The following PLCZ1 variants were observed in gnomAD, a reference collection of about 807,000 sequenced individuals.
The protein encoded by PLCZ1 is 1-phosphatidylinositol 4,5-bisphosphate phosphodiesterase zeta-1.
Under a neutral mutation model 76.8 loss-of-function variants are expected in PLCZ1, and 64 were observed. The observed-to-expected ratio is 0.83, with a 90% CI of 0.68 to 1.03. The LOEUF is 1.03. Ranked by LOEUF, PLCZ1 falls within the 50% of genes least tolerant of loss-of-function variation. PLCZ1 has a pLI of 0.00. For missense variants in PLCZ1, 751 were observed against 713.7 expected, an observed-to-expected ratio of 1.05 and a Z score of -0.60; for synonymous variants, 248 against 230.8, an observed-to-expected ratio of 1.07 and a Z score of -0.68.
intron 10 of PLCZ1, among the ~76,000 whole-genome samples, chr12:18,697,406 C>A (rs956771256): frequency 6.6e-6 from 1 of 152,046 alleles, no homozygotes; most frequent in Admixed American, 6.6e-5. Context: ...CTTATCTAGT[C>A]CTAACAGATG....
In PLCZ1 at chr12:18,723,380, G is replaced by A; in HGVS notation, c.298C>T (p.Gln100Ter). The A allele has an allele frequency of 6.2e-7, 1 of 1,612,910 alleles. No homozygotes were observed. The highest frequency in any genetic ancestry group is 8.5e-7 in the Non-Finnish European group (1 of 1,179,438). ...SNLAQFLTQE[Q>*]YAAEMSKAIA... The stretch of plus-strand genomic sequence containing the variant: ...GCTTTACTCATCTCAGCTGCATATT[G>A]TTCTTGTGTCAGAAATTGAGCCAGA... The change falls in exon 4 of 15, where the codon CAA becomes TAA. Residue 100 changes from glutamine to a stop codon, truncating the protein, a stop_gained. Transcript: ENST00000266505. LOFTEE classifies it high-confidence loss of function.
chr12:18,666,792 T>C, the PLCZ1 span, among the ~76,000 whole-genome samples: 60,170 of 152,134 alleles, frequency 0.4, 14,322 homozygotes, highest in South Asian at 0.6. Flanking sequence ...TTCTCCAGGA[T>C]AGACCACATA....
chr12:18,737,374 T>A lies in PLCZ1; in HGVS notation c.-3A>T. 1 of 1,613,814 alleles carries A rather than the reference T, an allele frequency of 6.2e-7. No homozygotes were observed. Among genetic ancestry groups the A allele is most frequent in the Non-Finnish European group, 8.5e-7 (1 of 1,179,744 alleles). ...CTCAATGGATATCTCATTTCCATAGTTTCATGACCTGTAGAGCCGTTTCTC... is the reference window on the plus strand; with the variant it reads ...CTCAATGGATATCTCATTTCCATAGATTCATGACCTGTAGAGCCGTTTCTC... On this transcript the variant is annotated 5_prime_UTR_variant, in exon 2 of 15. Transcript: ENST00000266505.
intron 12 of PLCZ1, among the ~76,000 whole-genome samples, chr12:18,691,771 G>C (rs1036970648): frequency 6.6e-6 from 1 of 152,268 alleles, no homozygotes; most frequent in Admixed American, 6.5e-5. Context: ...ATCCAGTGTT[G>C]TAGGCAATTG....
At chr12:18,684,016 T>C in intron 14 of PLCZ1, 114 bp downstream of exon 14, 2 of 1,255,858 alleles carry the variant, frequency 1.6e-6, no homozygotes, top group Non-Finnish European at 2.2e-6. Flanking sequence ...ATACATAAAA[T>C]TTCCTTTACA....
At chr12:18,670,296 A>G in the PLCZ1 span, among the ~76,000 whole-genome samples, 21 of 149,252 alleles carry the variant, frequency 1.4e-4, no homozygotes, top group African/African-American at 3.3e-4. Context: ...ACATATGCGC[A>G]CACACACACA....
chr12:18,730,896 G>T (rs1186105319), intron 3 of PLCZ1: 2 of 152,222 alleles, frequency 1.3e-5, no homozygotes, highest in East Asian at 3.9e-4. Context: ...CCCTTTGGAA[G>T]ATACTACCGG....
At chr12:18,692,392 T>C (rs927095834) in intron 12 of PLCZ1, among the ~76,000 whole-genome samples, 2 of 152,178 alleles carry the variant, frequency 1.3e-5, no homozygotes, top group Non-Finnish European at 2.9e-5. Context: ...TCAAAAGATT[T>C]AATGACATTT....
At chr12:18,678,210 A>G (rs1007667853), downstream of PLCZ1, among the ~76,000 whole-genome samples, 3 of 152,086 alleles carry the variant, frequency 2.0e-5, no homozygotes, top group African/African-American at 7.2e-5. Context: ...GGTCTGGCTA[A>G]TACTGCTGTT....
chr12:18,718,623 C>T (rs939894065), intron 5 of PLCZ1, among the ~76,000 whole-genome samples: 3 of 152,124 alleles, frequency 2.0e-5, no homozygotes, highest in African/African-American at 4.8e-5. Flanking sequence ...TATCATCACT[C>T]ATGCCACAAC....
chr12:18,696,330 A>C (rs1592072723), intron 10 of PLCZ1, 64 bp from the exon 11 acceptor site: 1 of 54,096 alleles, frequency 1.8e-5, no homozygotes, highest in South Asian at 1.0e-3. Flanking sequence ...CACTATATAT[A>C]TATATATATA....
chr12:18,662,043 G>A, the PLCZ1 span, among the ~76,000 whole-genome samples: 16,189 of 152,046 alleles, frequency 0.11, 1,110 homozygotes, highest in African/African-American at 0.19. Context: ...CCAATACTGC[G>A]TGTTCTCCCG....
Position 18,733,623 on chromosome 12 carries a change from A to G in PLCZ1, c.135+2598T>C, listed in dbSNP as rs1959166180. On this transcript the variant is annotated intron_variant, in intron 3 of 14. Coordinates refer to ENST00000266505, the MANE Select transcript of PLCZ1 (RefSeq NM_033123.4). The stretch of plus-strand genomic sequence containing the variant: ...GGTCTCAAGTTTAAATCTTTAATGG[A>G]TTTTGAGTTGATTTTTGCATATGGG... 2.0e-5 allele frequency among the ~76,000 whole-genome samples: 3 copies of G among 152,004 alleles called. No individual in the cohort carries two copies. In the South Asian group the frequency reaches 6.2e-4, roughly 31 times the overall value.
In PLCZ1 at chr12:18,699,969, A is replaced by C. The variant is rs2137241068; in HGVS notation, c.1018-19T>G. ...TCCTGGTCTAAAAATAAAATGCAGT[A>C]ATTTTACATTTTTATGCTAATCATT... On this transcript the variant is annotated intron_variant, in intron 9 of 14. Coordinates refer to ENST00000266505, the MANE Select transcript of PLCZ1 (RefSeq NM_033123.4). 6.3e-7 allele frequency: 1 copy of C among 1,599,926 alleles called. No individual in the cohort carries two copies. The highest frequency in any genetic ancestry group is 1.1e-5 in the South Asian group (1 of 89,632).
chr12:18,697,211 C>T (rs1955187742), intron 10 of PLCZ1, among the ~76,000 whole-genome samples: 2 of 151,992 alleles, frequency 1.3e-5, no homozygotes, highest in Non-Finnish European at 2.9e-5. Flanking sequence ...ATTTGCTAAA[C>T]CAACTAGAAT....
At chr12:18,669,988 G>C in the PLCZ1 span, among the ~76,000 whole-genome samples, 21 of 151,940 alleles carry the variant, frequency 1.4e-4, no homozygotes, top group East Asian at 3.7e-3. Flanking sequence ...TCTTATAAGG[G>C]CATTAATCCT....
chr12:18,705,814 C>T (rs533550949), intron 6 of PLCZ1, among the ~76,000 whole-genome samples: 5 of 152,022 alleles, frequency 3.3e-5, no homozygotes, highest in South Asian at 4.2e-4. Context: ...TACAACGAGC[C>T]GAGGTTGCGC....
chr12:18,731,992 AT>A (rs1387663213), intron 3 of PLCZ1, among the ~76,000 whole-genome samples: 2 of 152,000 alleles, frequency 1.3e-5, no homozygotes, highest in East Asian at 3.9e-4. Context: ...TTCCTTCTTG[AT>A]TTTTTAAATC....
chr12:18,737,769 C>G (rs1191460832), intron 1 of PLCZ1, 163 bp downstream of exon 1: 1 of 342,096 alleles, frequency 2.9e-6, no homozygotes, highest in African/African-American at 2.1e-5. Flanking sequence ...CCCCTCAAAC[C>G]TTTCATCATA....
Sources: gnomAD v4.1 joint callset for allele counts (sites outside exome capture counted in the v4.1 genomes callset) on GRCh38, gnomAD v4.1.1 for gene constraint, MANE v1.5 for transcripts, NCBI Gene and HGNC (gene_info 2026-07-23, HGNC 2026-07-21) for gene names.